The following HDAC9 variants were observed in gnomAD, a reference collection of about 807,000 sequenced individuals.
HDAC9 encodes the protein histone deacetylase 9.
HDAC9 carries 41 observed loss-of-function variants against 139.4 expected under a neutral mutation model. That is an observed-to-expected ratio of 0.29 (90% CI 0.23 to 0.38). The LOEUF is 0.38. Ranked by LOEUF, HDAC9 falls within the 10% of genes least tolerant of loss-of-function variation. The pLI is 1.00. For missense variants in HDAC9, 1,147 were observed against 1,297.0 expected, an observed-to-expected ratio of 0.88 and a Z score of 1.78; for synonymous variants, 517 against 476.2, an observed-to-expected ratio of 1.09 and a Z score of -1.12.
At chr7:18,246,752 C>T (rs889201395) in intron 2 of HDAC9, among the ~76,000 whole-genome samples, 15 of 151,842 alleles carry the variant, frequency 9.9e-5, no homozygotes, top group Non-Finnish European at 1.9e-4. Context: ...AGTTTTATAC[C>T]GAGGGGCAAA....
intron 1 of HDAC9, among the ~76,000 whole-genome samples, chr7:18,473,119 A>G (rs1439126725): frequency 6.6e-6 from 1 of 152,214 alleles, no homozygotes; most frequent in African/African-American, 2.4e-5. Flanking sequence ...CTGGTCCCAG[A>G]AACAAATACA....
chr7:18,992,324 C>G (rs746419100), intron 25 of HDAC9, among the ~76,000 whole-genome samples: 2 of 151,894 alleles, frequency 1.3e-5, no homozygotes, highest in Non-Finnish European at 2.9e-5. Context: ...TAGAAGTTAC[C>G]AGCTTCAAAC....
intron 2 of HDAC9, chr7:18,578,270 A>G: frequency 1.9e-6 from 1 of 518,068 alleles, no homozygotes; most frequent in East Asian, 5.4e-5. Flanking sequence ...CCACACAATG[A>G]CATCGAAGGT....
intron 22 of HDAC9, among the ~76,000 whole-genome samples, chr7:18,928,277 T>C (rs1027975683): frequency 2.6e-5 from 4 of 152,228 alleles, no homozygotes; most frequent in Non-Finnish European, 5.9e-5. Context: ...CTCATTTCTC[T>C]GAGCTTCTAT....
rs1399179744 is a variant in HDAC9, at chr7:18,916,036, A to C, written c.2804-19773A>C. ...ACCCCCCGCTGGAAAAAAAAAAAAA[A>C]AACAGAAAAAGACAAAGAACCTTAG... is the stretch of plus-strand genomic sequence containing the variant. On this transcript the variant is annotated intron_variant, in intron 22 of 25. Transcript: ENST00000686413. 2.6e-5 allele frequency among the ~76,000 whole-genome samples: 4 copies of C among 151,376 alleles called. No homozygotes were observed. The East Asian group carries it at 7.8e-4, about 29-fold the overall frequency.
At chr7:18,791,767 C>T (rs189211354) in intron 16 of HDAC9, among the ~76,000 whole-genome samples, 21 of 152,272 alleles carry the variant, frequency 1.4e-4, no homozygotes, top group African/African-American at 4.6e-4. Context: ...TCAATCAACA[C>T]GTAGGCCTCT....
At chr7:18,913,737 T>TAATC (rs34367677) in intron 22 of HDAC9, among the ~76,000 whole-genome samples, 43,545 of 151,672 alleles carry the variant, frequency 0.29, 6,844 homozygotes, top group East Asian at 0.4. Context: ...TTTAAAAAGA[T>TAATC]AATATATTGA....
chr7:18,452,336 C>T (rs111762377), intron 1 of HDAC9, among the ~76,000 whole-genome samples: 4,168 of 152,090 alleles, frequency 0.027, 47 homozygotes, highest in Middle Eastern at 0.037. Context: ...AGAACACATA[C>T]GCGTATGACA....
intron 13 of HDAC9, among the ~76,000 whole-genome samples, chr7:18,740,298 G>T (rs1024281680): frequency 2.0e-5 from 3 of 152,140 alleles, no homozygotes; most frequent in African/African-American, 7.2e-5. Context: ...CAGTCTTATT[G>T]AGATGAACCA....
intron 2 of HDAC9, among the ~76,000 whole-genome samples, chr7:18,180,636 C>T (rs1789347153): frequency 6.6e-6 from 1 of 152,044 alleles, no homozygotes; most frequent in Admixed American, 6.6e-5. Context: ...TGTTGGAAAC[C>T]CCAATCTGCC....
chr7:18,192,877 A>C (rs1299619599), intron 2 of HDAC9, among the ~76,000 whole-genome samples: 1 of 152,182 alleles, frequency 6.6e-6, no homozygotes, highest in South Asian at 2.1e-4. Flanking sequence ...TGTATTTCTC[A>C]GTATGAGTAG....
At position 18,737,368 on chromosome 7, in the gene HDAC9, T is replaced by G. The variant is rs140138195; in HGVS notation, c.1909+9611T>G. On this transcript the variant is annotated intron_variant, in intron 13 of 25. Coordinates refer to ENST00000686413, the MANE Select transcript of HDAC9 (RefSeq NM_178425.4). ...TCTTTCCTGCTTTCTCTTGTGGGCA[T>G]TTAGTGCTATACATTTCCCTCTACA... Among the ~76,000 whole-genome samples the G allele has an allele frequency of 4.9e-4, 74 of 152,334 alleles. 3 individuals carry two copies. The highest frequency in any genetic ancestry group is 1.3e-3 in the African/African-American group (53 of 41,580).
At chr7:18,910,060 C>A (rs1394497037) in intron 22 of HDAC9, among the ~76,000 whole-genome samples, 2 of 151,738 alleles carry the variant, frequency 1.3e-5, no homozygotes, top group Non-Finnish European at 2.9e-5. Flanking sequence ...GTTGAAGTCC[C>A]CAACTATTGT....
At chr7:18,391,360 G>A (rs1260159448) in intron 1 of HDAC9, among the ~76,000 whole-genome samples, 3 of 151,778 alleles carry the variant, frequency 2.0e-5, no homozygotes, top group Admixed American at 6.6e-5. Context: ...ATTCCAGCCT[G>A]AGCGATGGAG....
intron 2 of HDAC9, among the ~76,000 whole-genome samples, chr7:18,580,534 G>A (rs1827481857): frequency 6.6e-6 from 1 of 152,176 alleles, no homozygotes; most frequent in African/African-American, 2.4e-5. Context: ...AATAAAGCTA[G>A]CTTCATCGTA....
chr7:18,975,875 A>G lies in HDAC9; in HGVS notation c.3092A>G (p.Gln1031Arg). ...RGCALAGAQL[Q>R]EETETVSALA... ...TGTGCTCTGGCTGGTGCTCAGTTGC[A>G]AGAGGAGACAGAGACCGTTTCTGCC... Residue 1031 changes from glutamine to arginine, a missense_variant, in exon 25 of 26, where the codon CAA becomes CGA. By Grantham distance (43) the Gln-to-Arg change is conservative. Around this residue, in one of 7 missense-constraint regions of HDAC9, gnomAD observed 407 missense variants for 521.5 expected, o/e 0.78. Transcript: ENST00000686413. 1 of 1,613,916 alleles carries G rather than the reference A, an allele frequency of 6.2e-7. No individual in the cohort carries two copies. The highest frequency in any genetic ancestry group is 8.5e-7 in the Non-Finnish European group (1 of 1,179,854).
intron 7 of HDAC9, among the ~76,000 whole-genome samples, chr7:18,633,794 CTA>C (rs1240266952): frequency 6.6e-6 from 1 of 151,930 alleles, no homozygotes; most frequent in Non-Finnish European, 1.5e-5. Context: ...ACTTCTCTAG[CTA>C]TATTTCTAGG....
At chr7:18,364,480 ATGGGGTG>A (rs998999287) in intron 1 of HDAC9, among the ~76,000 whole-genome samples, 38 of 152,094 alleles carry the variant, frequency 2.5e-4, no homozygotes, top group African/African-American at 9.2e-4. Context: ...GAGAATTAGC[ATGGGGTG>A]TGTTTTGAAA....
chr7:18,925,832 A>T (rs531042020), intron 22 of HDAC9, among the ~76,000 whole-genome samples: 1 of 151,936 alleles, frequency 6.6e-6, no homozygotes, highest in East Asian at 1.9e-4. Context: ...TTTTAAAAAC[A>T]TTGTTCAAAA....
Sources: allele counts gnomAD v4.1 joint callset (sites outside exome capture counted in the v4.1 genomes callset), GRCh38; gene constraint gnomAD v4.1.1; regional missense constraint gnomAD v4.1.1; transcripts MANE v1.5; gene names NCBI Gene and HGNC (gene_info 2026-07-23, HGNC 2026-07-21).